Variants in UBE2J2 observed in about 807,000 individuals in gnomAD.
The protein encoded by UBE2J2 is ubiquitin-conjugating enzyme E2 J2.
UBE2J2 carries 5 observed loss-of-function variants against 28.6 expected under a neutral mutation model. That is an observed-to-expected ratio of 0.17 (90% CI 0.09 to 0.37). UBE2J2 has a LOEUF of 0.37. Ranked by LOEUF, UBE2J2 falls within the 10% of genes least tolerant of loss-of-function variation. The pLI is 1.00. For synonymous variants in UBE2J2, 138 were observed against 139.7 expected (o/e 0.99, Z 0.09); for missense variants, 226 against 338.9 (o/e 0.67, Z 2.62).
intron 2 of UBE2J2, among the ~76,000 whole-genome samples, chr1:1,265,408 T>A (rs74046655): frequency 9.8e-5 from 15 of 152,302 alleles, no homozygotes; most frequent in African/African-American, 3.4e-4. Context: ...ACCAGCCCCA[T>A]AAAGTCCCTG....
At chr1:1,272,551 G>A (rs549791335) in intron 1 of UBE2J2, among the ~76,000 whole-genome samples, 2 of 152,306 alleles carry the variant, frequency 1.3e-5, no homozygotes, top group Admixed American at 6.5e-5. Context: ...CTGCTCCGGA[G>A]GCTGGACGGA....
chr1:1,267,279 G>C (rs1345190111), intron 2 of UBE2J2, among the ~76,000 whole-genome samples: 1 of 141,810 alleles, frequency 7.1e-6, no homozygotes, highest in Non-Finnish European at 1.5e-5. Flanking sequence ...CTATACTTCA[G>C]CAAGGGGGAG....
intron 2 of UBE2J2, among the ~76,000 whole-genome samples, chr1:1,265,564 CGTGTGT>C (rs112951404): frequency 0.038 from 5,384 of 143,290 alleles, 132 homozygotes; most frequent in African/African-American, 0.074. Flanking sequence ...AGTTTTCTCT[CGTGTGT>C]GTGTGTGTGT....
At chr1:1,259,021 C>A (rs889171065) in intron 3 of UBE2J2, among the ~76,000 whole-genome samples, 14 of 151,656 alleles carry the variant, frequency 9.2e-5, no homozygotes, top group Non-Finnish European at 2.1e-4. Context: ...CGCGTGTGTG[C>A]GTGTCTGAGT....
At chr1:1,255,920 G>A (rs1243711895) in intron 6 of UBE2J2, 125 bp downstream of exon 6, 8 of 750,158 alleles carry the variant, frequency 1.1e-5, no homozygotes, top group East Asian at 2.5e-5. Context: ...CGGGGCTCCT[G>A]GGGGAGAGGA....
chr1:1,267,599 C>T (rs1639941849), intron 2 of UBE2J2: 2 of 837,058 alleles, frequency 2.4e-6, no homozygotes, highest in South Asian at 4.2e-5. Context: ...TGGACCCCGC[C>T]CCCCTCAAGG....
intron 3 of UBE2J2, among the ~76,000 whole-genome samples, chr1:1,260,537 C>T (rs1356493327): frequency 3.9e-5 from 6 of 152,230 alleles, no homozygotes; most frequent in Non-Finnish European, 5.9e-5. Context: ...GCTTGTCACC[C>T]GCCAGAGAAA....
Position 1,267,877 on chromosome 1 carries a change from G to A in UBE2J2, c.116C>T (p.Ser39Leu), listed in dbSNP as rs767054784. ...GGAGCCTTACCACTCGAGAATATTCGAAGGGAGGGGCTCGGCACAGATGTA... is the reference window on the plus strand; with the variant it reads ...GGAGCCTTACCACTCGAGAATATTCAAAGGGAGGGGCTCGGCACAGATGTA... ...VPYICAEPLP[S>L]NILEWHYVVR... is the part of the protein sequence containing the mutation. Residue 39 changes from serine to leucine, a missense_variant, in exon 2 of 7, where the codon TCG becomes TTG. Coordinates refer to ENST00000349431, the MANE Select transcript of UBE2J2 (RefSeq NM_058167.3). 6.2e-7 allele frequency: 1 copy of A among 1,614,060 alleles called. No homozygotes were observed. The highest frequency in any genetic ancestry group is 2.2e-5 in the East Asian group (1 of 44,872).
At chr1:1,265,834 C>G (rs1639828454) in intron 2 of UBE2J2, among the ~76,000 whole-genome samples, 1 of 152,056 alleles carries the variant, frequency 6.6e-6, no homozygotes, top group Non-Finnish European at 1.5e-5. Context: ...AGGGTTCCAC[C>G]ATGTTGGCCA....
chr1:1,259,417 CCTCCCTTGGG>C (rs1639423450), intron 3 of UBE2J2, among the ~76,000 whole-genome samples: 1 of 152,234 alleles, frequency 6.6e-6, no homozygotes. Context: ...TGGCCTCTGT[CCTCCCTTGGG>C]CTCCCTGTGC....
intron 2 of UBE2J2, among the ~76,000 whole-genome samples, chr1:1,265,648 T>A (rs1005790217): frequency 6.8e-6 from 1 of 147,106 alleles, no homozygotes; most frequent in East Asian, 2.0e-4. Flanking sequence ...TGTGTGTGTG[T>A]GGTGGAGTCT....
intron 3 of UBE2J2, among the ~76,000 whole-genome samples, chr1:1,257,926 C>T (rs914566598): frequency 6.6e-6 from 1 of 152,146 alleles, no homozygotes. Flanking sequence ...GCTCTTCACA[C>T]GTCCTCCCCT....
intron 2 of UBE2J2, among the ~76,000 whole-genome samples, chr1:1,266,565 T>C (rs141828946): frequency 0.031 from 4,670 of 152,198 alleles, 120 homozygotes; most frequent in Middle Eastern, 0.082. Context: ...CTCACGCCTG[T>C]AATCCCAGCA....
intron 1 of UBE2J2, among the ~76,000 whole-genome samples, chr1:1,272,328 G>C (rs1640195664): frequency 6.6e-6 from 1 of 152,224 alleles, no homozygotes; most frequent in African/African-American, 2.4e-5. Context: ...TTCACACACA[G>C]AAACTGCATT....
At position 1,263,383 on chromosome 1, in the gene UBE2J2, G is replaced by C; in HGVS notation, c.135C>G (p.His45Gln). ...TCATCTCTGGGCCTCGGACGACATAGTGCCTAAGGGAGAGAAGAAAATTAC... is the reference window on the plus strand; with the variant it reads ...TCATCTCTGGGCCTCGGACGACATACTGCCTAAGGGAGAGAAGAAAATTAC... Reference protein sequence around the residue: ...EPLPSNILEWHYVVRGPEMTP... With the variant: ...EPLPSNILEWQYVVRGPEMTP... Residue 45 changes from histidine to glutamine, a missense_variant, in exon 3 of 7, where the codon CAC becomes CAG. Physicochemically the swap from His to Gln is conservative, Grantham distance 24. Around this residue, in one of 3 missense-constraint regions of UBE2J2, gnomAD observed 80 missense variants for 114.5 expected, o/e 0.70. Transcript: ENST00000349431. 6.2e-7 allele frequency: 1 copy of C among 1,612,954 alleles called. No homozygotes were observed. The highest frequency in any genetic ancestry group is 8.5e-7 in the Non-Finnish European group (1 of 1,179,072).
At chr1:1,261,860 G>A (rs1639581738) in intron 3 of UBE2J2, among the ~76,000 whole-genome samples, 1 of 150,078 alleles carries the variant, frequency 6.7e-6, no homozygotes, top group Non-Finnish European at 1.5e-5. Flanking sequence ...GTATTAGCAA[G>A]GATGGTCTGG....
At chr1:1,265,813 T>G (rs1639827397) in intron 2 of UBE2J2, among the ~76,000 whole-genome samples, 1 of 152,092 alleles carries the variant, frequency 6.6e-6, no homozygotes, top group South Asian at 2.1e-4. Context: ...TTCTGTATTT[T>G]CAGTAGAGAC....
intron 2 of UBE2J2, chr1:1,266,219 G>A: frequency 1.6e-6 from 2 of 1,243,006 alleles, no homozygotes; most frequent in Non-Finnish European, 1.1e-6. Context: ...GGCCTCCTCT[G>A]TGAGCCAGAG....
In UBE2J2 at chr1:1,266,157, G is replaced by C. The variant is rs183851774; in HGVS notation, c.131+1705C>G. On this transcript the variant is annotated intron_variant, in intron 2 of 6. Coordinates refer to ENST00000349431, the MANE Select transcript of UBE2J2 (RefSeq NM_058167.3). ...CAACACTGGGGGCAGAGAGCACTCT[G>C]GTGGCCAAGGGGCTCCGCCTCACCC... is the stretch of plus-strand genomic sequence containing the variant. 47 of 1,303,122 alleles carry C rather than the reference G, an allele frequency of 3.6e-5. No homozygotes were observed. In the Admixed American group the frequency reaches 5.3e-4, roughly 15 times the overall value. 80.7% of individuals were successfully genotyped at this position (1,303,122 alleles called of 1,614,324 possible).
Sources: gnomAD v4.1 joint callset for allele counts (sites outside exome capture counted in the v4.1 genomes callset) on GRCh38, gnomAD v4.1.1 for gene constraint, gnomAD v4.1.1 regional missense constraint, MANE v1.5 for transcripts, NCBI Gene and HGNC (gene_info 2026-07-23, HGNC 2026-07-21) for gene names.